Variants in DNAH1 observed in about 807,000 individuals in gnomAD.
DNAH1 encodes axonemal beta dynein heavy chain 1.
A neutral mutation model predicts 484.3 loss-of-function variants in DNAH1; 327 were observed. The observed-to-expected ratio is 0.68, with a 90% CI of 0.62 to 0.74. The LOEUF is 0.74. Ranked by LOEUF, DNAH1 falls within the 30% of genes least tolerant of loss-of-function variation. The pLI is 0.00. For synonymous variants in DNAH1, 2,192 were observed against 2,191.9 expected, an observed-to-expected ratio of 1.00 and a Z score of 0.00; for missense variants, 5,052 against 5,546.8, an observed-to-expected ratio of 0.91 and a Z score of 2.83.
upstream of DNAH1, among the ~76,000 whole-genome samples, chr3:52,311,350 G>A (rs1700743062): frequency 2.0e-5 from 3 of 152,324 alleles, no homozygotes; most frequent in Admixed American, 1.3e-4. Flanking sequence ...GCACAAAGGA[G>A]TTAAGTTCTG....
rs140811056 is a variant in DNAH1 at position 52,344,878 on chromosome 3, G to A, written c.1444+231G>A. On this transcript the variant is annotated intron_variant, in intron 9 of 77. Coordinates refer to ENST00000420323, the MANE Select transcript of DNAH1 (RefSeq NM_015512.5). ...TGAACTTATTAGTGAGAATAGCACA[G>A]AAGTTGCAAGGTGAATGTGTACTAG... 2.3e-3 allele frequency among the ~76,000 whole-genome samples: 353 copies of A among 152,360 alleles called. 1 individual carries two copies. The highest frequency in any genetic ancestry group is 8.1e-3 in the African/African-American group (335 of 41,576).
Position 52,348,908 on chromosome 3 carries a change from C to A in DNAH1, c.2127C>A (p.Phe709Leu), listed in dbSNP as rs545470511. The change falls in exon 13 of 78, where the codon TTC becomes TTA. Residue 709 changes from phenylalanine to leucine, a missense_variant. Coordinates refer to ENST00000420323, the MANE Select transcript of DNAH1 (RefSeq NM_015512.5). ...QLEKLVMEDI[F>L]ISGDPLLESV... ...TGCAGCTGGTGATGGAGGACATCTT[C>A]ATCAGCGGTGACCCCCTGCTGGAGT... is the stretch of plus-strand genomic sequence containing the variant. The A allele has an allele frequency of 6.2e-7, 1 of 1,613,172 alleles. No homozygotes were observed. Among genetic ancestry groups the A allele is most frequent in the East Asian group, 2.2e-5 (1 of 44,868 alleles).
At chr3:52,376,996 G>A (rs1336629137) in intron 46 of DNAH1, among the ~76,000 whole-genome samples, 1 of 152,000 alleles carries the variant, frequency 6.6e-6, no homozygotes, top group East Asian at 1.9e-4. Flanking sequence ...CTGGACTGGG[G>A]CTTGGTCTCC....
intron 8 of DNAH1, among the ~76,000 whole-genome samples, chr3:52,333,977 A>ATGT (rs1450967978): frequency 6.6e-6 from 1 of 152,202 alleles, no homozygotes; most frequent in Non-Finnish European, 1.5e-5. Context: ...TTTAGTTGGA[A>ATGT]TGTAGCCCCA....
rs750487677 is a variant in DNAH1, at chr3:52,381,657, G to A, written c.7626G>A (p.Glu2542=). 6 of 1,607,314 alleles carry A rather than the reference G, an allele frequency of 3.7e-6. No homozygotes were observed. The Admixed American group carries it at 5.1e-5, about 14-fold the overall frequency. ...GTGCACAGATGATGCAGGTGATAGA[G>A]GAGTACATAGAGGACTACAACCAGA... The part of the protein sequence containing the change: ...TSESKMMQVI[E]EYIEDYNQIN... Residue 2542 remains glutamate, a synonymous_variant, in exon 49 of 78, where the codon GAG becomes GAA. Coordinates refer to ENST00000420323, the MANE Select transcript of DNAH1 (RefSeq NM_015512.5). This position sits in a 1 kb window ranked among gnomAD's most constrained non-coding sequence, Gnocchi z 4.1.
At chr3:52,328,124 T>G in intron 6 of DNAH1, 110 bp downstream of exon 6, 1 of 1,375,618 alleles carries the variant, frequency 7.3e-7, no homozygotes, top group African/African-American at 1.4e-5. Flanking sequence ...GAGGGGTCTT[T>G]CAAGACCTCT....
At chr3:52,311,661 C>T (rs560397658), upstream of DNAH1, among the ~76,000 whole-genome samples, 213 of 152,328 alleles carry the variant, frequency 1.4e-3, no homozygotes, top group Middle Eastern at 6.8e-3. Flanking sequence ...CCCCTTCCCT[C>T]CACCCAGCAA....
rs1559552125 is a variant in DNAH1 at position 52,379,789 on chromosome 3, G to A, written c.7378-116G>A. ...ACTGTCCCTGGGCCATGGTGGGAGA[G>A]CCAGGCTCCAGTCAGGGCCCCAGGA... On this transcript the variant is annotated intron_variant, in intron 47 of 77. Coordinates refer to ENST00000420323, the MANE Select transcript of DNAH1 (RefSeq NM_015512.5). The surrounding 1 kb of genome is among the most constrained non-coding windows in gnomAD (Gnocchi z 4.4). 2.4e-5 allele frequency: 21 copies of A among 884,654 alleles called. No homozygotes were observed. In the South Asian group the frequency reaches 3.5e-4, roughly 15 times the overall value. The allele number at this position is 884,654 out of a possible 1,614,324, so 54.8% of individuals were successfully genotyped here. A position where few individuals can be genotyped will look rare whatever the true frequency, so the allele number is the denominator to read the frequency against.
rs1260207956 is a variant in DNAH1 at position 52,368,462 on chromosome 3, T to C, written c.5766-279T>C. On this transcript the variant is annotated intron_variant, in intron 36 of 77. Transcript: ENST00000420323. This position sits in a 1 kb window ranked among gnomAD's most constrained non-coding sequence, Gnocchi z 4.4. ...TGTCCATTGTCTTCCAGAGCTGCAC[T>C]TCCTCCATCTCTGCTATTGCCTCCT... 1.3e-5 allele frequency among the ~76,000 whole-genome samples: 2 copies of C among 152,166 alleles called. No homozygotes were observed. The highest frequency in any genetic ancestry group is 2.9e-5 in the Non-Finnish European group (2 of 68,038).
rs576956582 is a variant in DNAH1, at chr3:52,346,006, G to A, written c.1656+300G>A. Among the ~76,000 whole-genome samples the A allele has an allele frequency of 2.0e-5, 3 of 152,324 alleles. No individual in the cohort carries two copies. In the East Asian group the frequency reaches 5.8e-4, roughly 29 times the overall value. ...AGCAGATCCCTTGTCTTAGAAGGGG[G>A]AGCAGGAACCTCAGGCACCCCCATG... On this transcript the variant is annotated intron_variant, in intron 10 of 77. Transcript: ENST00000420323.
intron 12 of DNAH1, 34 bp from the exon 13 acceptor site, chr3:52,348,854 C>A: frequency 6.2e-7 from 1 of 1,602,506 alleles, no homozygotes; most frequent in Non-Finnish European, 8.5e-7. Flanking sequence ...CTGGCTCATC[C>A]AGGTCTGCCC....
At chr3:52,343,413 G>T (rs570028347) in intron 8 of DNAH1, among the ~76,000 whole-genome samples, 1 of 152,094 alleles carries the variant, frequency 6.6e-6, no homozygotes, top group African/African-American at 2.4e-5. Flanking sequence ...GGGGTGTGAA[G>T]ATGGGGTCAT....
rs1703410664 is a variant in DNAH1 at position 52,372,944 on chromosome 3, C to T, written c.6876C>T (p.Phe2292=). 5 of 1,613,814 alleles carry T rather than the reference C, an allele frequency of 3.1e-6. No homozygotes were observed. The highest frequency in any genetic ancestry group is 4.2e-6 in the Non-Finnish European group (5 of 1,179,822). Residue 2292 remains phenylalanine (F), a synonymous_variant, in exon 44 of 78, where the codon TTC becomes TTT. Transcript: ENST00000420323. The stretch of plus-strand genomic sequence containing the variant: ...CTCTGGGGCGCAACTTTATCTTCTT[C>T]ATCGATGACCTGAACATGCCGGCCC... ...GPPLGRNFIF[F]IDDLNMPALE...
chr3:52,333,811 AT>A (rs1279573977), intron 8 of DNAH1, among the ~76,000 whole-genome samples: 1 of 152,046 alleles, frequency 6.6e-6, no homozygotes, highest in African/African-American at 2.4e-5. Context: ...ATTTCAAGAG[AT>A]TTTAAACACT....
rs1344394891 is a variant in DNAH1, at chr3:52,370,222, C to T, written c.6251C>T (p.Pro2084Leu). Residue 2084 changes from proline (P) to leucine (L), a missense_variant, in exon 39 of 78, where the codon CCT becomes CTT. Transcript: ENST00000420323. ...GACTGCTTCTTCAAGCCCTTTCTGC[C>T]TAGAGAGGTACAGCCCTGAGAGTGG... Reference protein sequence around the residue: ...LLDCFFKPFLPREGLKKIPSE... With the variant: ...LLDCFFKPFLLREGLKKIPSE... 2 of 1,613,738 alleles carry T rather than the reference C, an allele frequency of 1.2e-6. No individual in the cohort carries two copies. The highest frequency in any genetic ancestry group is 1.7e-6 in the Non-Finnish European group (2 of 1,179,840).
chr3:52,318,867 A>G (rs926078099), intron 1 of DNAH1, among the ~76,000 whole-genome samples: 1 of 152,210 alleles, frequency 6.6e-6, no homozygotes, highest in African/African-American at 2.4e-5. Flanking sequence ...TCGCAGATCC[A>G]TTTGTCTGCT....
At chr3:52,349,586 G>A (rs1702288333) in intron 14 of DNAH1, among the ~76,000 whole-genome samples, 166 bp downstream of exon 14, 1 of 152,240 alleles carries the variant, frequency 6.6e-6, no homozygotes, top group Admixed American at 6.5e-5. Flanking sequence ...ATCCCTGCCT[G>A]TCTGCAGAGA....
chr3:52,358,569 G>A lies in DNAH1; in HGVS notation c.4098G>A (p.Gln1366=). ...TCCACTGCTTGCAGCTGCTATTCCAGGAGGACCTGGAGATCACGCACATGT... is the reference window on the plus strand; with the variant it reads ...TCCACTGCTTGCAGCTGCTATTCCAAGAGGACCTGGAGATCACGCACATGT... ...CFENIARLLF[Q]EDLEITHMYS... is the part of the protein sequence containing the mutation. Residue 1366 remains glutamine, a synonymous_variant, in exon 25 of 78, where the codon CAG becomes CAA. Transcript: ENST00000420323. This position sits in a 1 kb window ranked among gnomAD's most constrained non-coding sequence, Gnocchi z 4.2. 1 of 1,609,208 alleles carries A rather than the reference G, an allele frequency of 6.2e-7. No homozygotes were observed. The highest frequency in any genetic ancestry group is 8.5e-7 in the Non-Finnish European group (1 of 1,177,946).
chr3:52,395,681 G>A lies in DNAH1; in HGVS notation c.11259+3G>A. ...TCGAGCACATCAACCCCGACAAGGT[G>A]TGTTGCCCTGCCCATCACAGACCCA... is the stretch of plus-strand genomic sequence containing the variant. On this transcript the variant is annotated splice_donor_region_variant and intron_variant, in intron 70 of 77. Coordinates refer to ENST00000420323, the MANE Select transcript of DNAH1 (RefSeq NM_015512.5). The surrounding 1 kb of genome is among the most constrained non-coding windows in gnomAD (Gnocchi z 4.4). 6.2e-7 allele frequency: 1 copy of A among 1,612,620 alleles called. No homozygotes were observed. Among genetic ancestry groups the A allele is most frequent in the Non-Finnish European group, 8.5e-7 (1 of 1,179,344 alleles).
Sources: gnomAD v4.1 joint callset for allele counts (sites outside exome capture counted in the v4.1 genomes callset) on GRCh38, gnomAD v4.1.1 for gene constraint, Gnocchi (gnomAD v3.1) non-coding constraint, MANE v1.5 for transcripts, NCBI Gene and HGNC (gene_info 2026-07-23, HGNC 2026-07-21) for gene names.